Variants in COL26A1 observed in about 807,000 individuals in gnomAD.
COL26A1 encodes collagen alpha-1(XXVI) chain.
In COL26A1, 41 loss-of-function variants were observed where a neutral mutation model predicts 59.3. The ratio of observed to expected loss-of-function variants is 0.69; its 90% CI spans 0.54 to 0.90. The LOEUF (loss-of-function observed/expected upper bound fraction) is 0.90, where lower values mean the gene tolerates loss of function less well. Ranked by LOEUF, COL26A1 falls within the 40% of genes least tolerant of loss-of-function variation. The probability of loss-of-function intolerance (pLI) is 0.00; values close to 1 mark genes in which losing one functional copy is unlikely to be tolerated. For synonymous variants in COL26A1, 266 were observed against 256.0 expected (o/e 1.04, Z -0.37); for missense variants, 612 against 602.3 (o/e 1.02, Z -0.17).
intron 1 of COL26A1, among the ~76,000 whole-genome samples, chr7:101,410,911 GC>G (rs1220354442): frequency 4.6e-5 from 7 of 151,938 alleles, no homozygotes; most frequent in Admixed American, 2.6e-4. Context: ...TTGCTACGTT[GC>G]CCAGGCTGGG....
At chr7:101,513,441 C>T (rs952162726) in intron 3 of COL26A1, among the ~76,000 whole-genome samples, 1 of 152,182 alleles carries the variant, frequency 6.6e-6, no homozygotes, top group Non-Finnish European at 1.5e-5. Flanking sequence ...ATTCTCATGC[C>T]TCAGCCTCCT....
rs188826161 is a variant in COL26A1 at position 101,379,436 on chromosome 7, C to T, written c.158+16246C>T. Reference sequence around the variant, plus strand: ...GAAGACCTGGCTGTGCTCCTGGTCTCTCTTGGTGCTCTGCTCACCATTGCC... The same window carrying T: ...GAAGACCTGGCTGTGCTCCTGGTCTTTCTTGGTGCTCTGCTCACCATTGCC... On this transcript the variant is annotated intron_variant, in intron 1 of 12. Transcript: ENST00000313669. 8.9e-4 allele frequency among the ~76,000 whole-genome samples: 135 copies of T among 152,320 alleles called. 1 individual carries two copies. Among genetic ancestry groups the T allele is most frequent in the African/African-American group, 3.2e-3 (134 of 41,566 alleles).
chr7:101,485,250 C>T (rs147336726), intron 3 of COL26A1, among the ~76,000 whole-genome samples: 140 of 152,320 alleles, frequency 9.2e-4, no homozygotes, highest in Non-Finnish European at 1.3e-3. Flanking sequence ...GCTCTGCACA[C>T]GCCGGTGCTG....
chr7:101,501,616 G>C (rs1244744727), intron 3 of COL26A1, among the ~76,000 whole-genome samples: 4 of 152,104 alleles, frequency 2.6e-5, no homozygotes, highest in Non-Finnish European at 4.4e-5. Context: ...TGTTGTTTCT[G>C]CCCCAGGCCT....
chr7:101,515,261 G>C (rs146759411), intron 3 of COL26A1, among the ~76,000 whole-genome samples: 2 of 152,064 alleles, frequency 1.3e-5, no homozygotes, highest in Admixed American at 6.6e-5. Context: ...TTCTGGATTC[G>C]AGACCCTCTC....
Position 101,485,643 on chromosome 7 carries a change from A to G in COL26A1, c.385+37856A>G, listed in dbSNP as rs542460699. Among the ~76,000 whole-genome samples, 4 of 152,194 alleles carry G rather than the reference A, an allele frequency of 2.6e-5. No individual in the cohort carries two copies. The East Asian group carries it at 7.7e-4, about 29-fold the overall frequency. ...TTACCTGCCGTCATCTGATCTCTGC[A>G]TCCCCAGTGCCCTGGACAGGGTCTG... On this transcript the variant is annotated intron_variant, in intron 3 of 12. Transcript: ENST00000313669.
intron 2 of COL26A1, among the ~76,000 whole-genome samples, chr7:101,430,922 T>C (rs909523950): frequency 6.6e-6 from 1 of 151,988 alleles, no homozygotes; most frequent in Non-Finnish European, 1.5e-5. Flanking sequence ...GCCTCCCGAG[T>C]AGCTGGGATT....
intron 1 of COL26A1, among the ~76,000 whole-genome samples, chr7:101,369,849 C>CATTTT (rs998305468): frequency 3.3e-5 from 5 of 151,634 alleles, no homozygotes; most frequent in Admixed American, 2.0e-4. Flanking sequence ...TTGAAGAGTC[C>CATTTT]ATTTTATTTT....
chr7:101,382,803 T>A (rs1028732989), intron 1 of COL26A1, among the ~76,000 whole-genome samples: 1 of 152,162 alleles, frequency 6.6e-6, no homozygotes, highest in African/African-American at 2.4e-5. Context: ...CCAAGCACTT[T>A]GGGAGGCTGA....
At chr7:101,376,128 C>T (rs1182743035) in intron 1 of COL26A1, among the ~76,000 whole-genome samples, 2 of 129,160 alleles carry the variant, frequency 1.5e-5, no homozygotes, top group Non-Finnish European at 1.7e-5. Context: ...TAGCAAGACC[C>T]TGTATCTACA....
chr7:101,387,288 C>T (rs1399832168), intron 1 of COL26A1, among the ~76,000 whole-genome samples: 2 of 148,444 alleles, frequency 1.3e-5, no homozygotes, highest in Non-Finnish European at 3.0e-5. Context: ...CTGATGGAAG[C>T]CCATAGCCCA....
chr7:101,528,491 G>A (rs1795295966), intron 3 of COL26A1, among the ~76,000 whole-genome samples: 1 of 151,870 alleles, frequency 6.6e-6, no homozygotes, highest in African/African-American at 2.4e-5. Context: ...GAGCTGGAGA[G>A]TTGCTTTTCC....
At chr7:101,466,837 T>TGTGTGTGTGTGTGTGTGTGTGTGA (rs764059657) in intron 3 of COL26A1, among the ~76,000 whole-genome samples, 23 of 122,636 alleles carry the variant, frequency 1.9e-4, no homozygotes, top group African/African-American at 6.0e-4. Flanking sequence ...TGTGTGTGTG[T>TGTGTGTGTGTGTGTGTGTGTGTGA]GAGAGAGAGA....
chr7:101,414,608 T>C (rs1792329915), intron 1 of COL26A1, among the ~76,000 whole-genome samples: 1 of 152,140 alleles, frequency 6.6e-6, no homozygotes, highest in Non-Finnish European at 1.5e-5. Context: ...CGGCTAATTT[T>C]TTATTTTTAT....
chr7:101,547,299 C>A, intron 8 of COL26A1, 60 bp downstream of exon 8: 2 of 1,254,646 alleles, frequency 1.6e-6, no homozygotes, highest in Non-Finnish European at 2.2e-6. Context: ...CTGGCCTGAG[C>A]CATGGGGCCT....
At chr7:101,378,413 C>G (rs932919101) in intron 1 of COL26A1, among the ~76,000 whole-genome samples, 49 of 152,210 alleles carry the variant, frequency 3.2e-4, no homozygotes, top group African/African-American at 1.1e-3. Context: ...CTAAATTTCC[C>G]TATATGCATG....
At chr7:101,486,753 A>G (rs1238870991) in intron 3 of COL26A1, among the ~76,000 whole-genome samples, 1 of 152,190 alleles carries the variant, frequency 6.6e-6, no homozygotes, top group Non-Finnish European at 1.5e-5. Flanking sequence ...AGAGTCCGTA[A>G]TGGGTTCCAG....
At chr7:101,489,859 T>C (rs563602274) in intron 3 of COL26A1, among the ~76,000 whole-genome samples, 31 of 52,504 alleles carry the variant, frequency 5.9e-4, no homozygotes, top group Non-Finnish European at 9.5e-4. Context: ...TCTTTCTTTC[T>C]TTCTTTCTTT....
At chr7:101,515,541 C>T (rs1795011327) in intron 3 of COL26A1, among the ~76,000 whole-genome samples, 1 of 151,704 alleles carries the variant, frequency 6.6e-6, no homozygotes, top group Non-Finnish European at 1.5e-5. Context: ...GCCTTGGTCT[C>T]CCAAAGTGCT....
Sources: allele counts gnomAD v4.1 joint callset (sites outside exome capture counted in the v4.1 genomes callset), GRCh38; gene constraint gnomAD v4.1.1; transcripts MANE v1.5; gene names NCBI Gene and HGNC (gene_info 2026-07-23, HGNC 2026-07-21).